Variants in BSPH1 observed in about 807,000 individuals in gnomAD.
BSPH1 encodes the protein binder of sperm 1.
BSPH1 carries 21 observed loss-of-function variants against 22.5 expected under a neutral mutation model. The ratio of observed to expected loss-of-function variants is 0.93; its 90% CI spans 0.66 to 1.35. The LOEUF is 1.35. Ranked by LOEUF, BSPH1 falls within the 40% of genes most tolerant of loss-of-function variation. BSPH1 has a pLI of 0.00. For missense variants in BSPH1, 141 were observed against 154.2 expected (o/e 0.91, Z 0.45); for synonymous variants, 42 against 53.6 (o/e 0.78, Z 0.95).
At chr19:47,972,988 C>T (rs60479043) in intron 5 of BSPH1, among the ~76,000 whole-genome samples, 22 of 151,576 alleles carry the variant, frequency 1.5e-4, no homozygotes, top group African/African-American at 4.6e-4. Context: ...GAGGCCGAGG[C>T]GGGTGGATCA....
chr19:47,973,349 G>A (rs1488768727), intron 5 of BSPH1, among the ~76,000 whole-genome samples: 2 of 151,708 alleles, frequency 1.3e-5, no homozygotes, highest in African/African-American at 4.8e-5. Context: ...TCACTTCTAG[G>A]GAACAGTCTC....
In BSPH1 at chr19:47,982,573, T is replaced by A. The variant is rs1283112525; in HGVS notation, c.74-1632A>T. On this transcript the variant is annotated intron_variant, in intron 1 of 5. Coordinates refer to ENST00000344839, the MANE Select transcript of BSPH1 (RefSeq NM_001128326.2). ...GCATATTAGAATCACCAGCTGAGTTTTTAAAAACCCAGATCCCTTCCACTT... is the reference window on the plus strand; with the variant it reads ...GCATATTAGAATCACCAGCTGAGTTATTAAAAACCCAGATCCCTTCCACTT... Among the ~76,000 whole-genome samples, 3 of 152,340 alleles carry A rather than the reference T, an allele frequency of 2.0e-5. No individual in the cohort carries two copies. The East Asian group carries it at 5.8e-4, about 29-fold the overall frequency.
At chr19:47,974,269 C>CTCTCTCTTTTT (rs57733472) in intron 5 of BSPH1, among the ~76,000 whole-genome samples, 8 of 75,994 alleles carry the variant, frequency 1.1e-4, no homozygotes, top group African/African-American at 4.3e-4. Flanking sequence ...CTCTCTCTCT[C>CTCTCTCTTTTT]TTTTTTTTTT....
intron 1 of BSPH1, 36 bp downstream of exon 1, chr19:47,991,973 T>A (rs1207409343): frequency 7.2e-7 from 1 of 1,379,950 alleles, no homozygotes; most frequent in Admixed American, 2.0e-5. Flanking sequence ...TTAAGCTATC[T>A]ACCTTGCATA....
chr19:47,970,762 A>G (rs1441427421), intron 5 of BSPH1, among the ~76,000 whole-genome samples: 4 of 152,114 alleles, frequency 2.6e-5, no homozygotes, highest in Non-Finnish European at 4.4e-5. Flanking sequence ...GTGATGTGGC[A>G]ATGGGATGTT....
Position 47,969,034 on chromosome 19 carries a change from C to T in BSPH1, c.*3-825G>A, listed in dbSNP as rs541215020. Among the ~76,000 whole-genome samples, 9 of 148,832 alleles carry T rather than the reference C, an allele frequency of 6.0e-5. No homozygotes were observed. In the South Asian group the frequency reaches 1.1e-3, roughly 18 times the overall value. On this transcript the variant is annotated intron_variant, in intron 5 of 5. Transcript: ENST00000344839. The stretch of plus-strand genomic sequence containing the variant: ...AAAAAAAAAAAAAAGAAATCACTGA[C>T]GGCTGCCTGGAGGGTGGATTTTAGG...
chr19:47,990,596 T>TA (rs11415531), intron 1 of BSPH1, among the ~76,000 whole-genome samples: 28,225 of 150,976 alleles, frequency 0.19, 2,773 homozygotes, highest in Non-Finnish European at 0.21. Flanking sequence ...TTCTGTTCTT[T>TA]AAAAAAAAAT....
chr19:47,977,566 C>T, intron 3 of BSPH1, 62 bp from the exon 4 acceptor site: 1 of 1,533,714 alleles, frequency 6.5e-7, no homozygotes, highest in Non-Finnish European at 8.8e-7. Context: ...TATCAAGCGA[C>T]TGTCTTCCTA....
At chr19:47,979,374 C>T (rs1335442915) in intron 3 of BSPH1, among the ~76,000 whole-genome samples, 196 bp downstream of exon 3, 1 of 152,082 alleles carries the variant, frequency 6.6e-6, no homozygotes, top group East Asian at 1.9e-4. Context: ...AAAGAGTAGA[C>T]ACATTTAGTG....
Position 47,978,404 on chromosome 19 carries a change from T to C in BSPH1, c.125-900A>G, listed in dbSNP as rs573365632. ...CAGTCATGAGCCACTGAGTCCGGCC[T>C]TAACTTCTTTCTAATGCTGATTCAT... On this transcript the variant is annotated intron_variant, in intron 3 of 5. Coordinates refer to ENST00000344839, the MANE Select transcript of BSPH1 (RefSeq NM_001128326.2). 9.8e-5 allele frequency among the ~76,000 whole-genome samples: 15 copies of C among 152,296 alleles called. No individual in the cohort carries two copies. The South Asian group carries it at 3.1e-3, about 32-fold the overall frequency.
intron 1 of BSPH1, among the ~76,000 whole-genome samples, chr19:47,988,776 C>T (rs1969495131): frequency 6.6e-6 from 1 of 152,070 alleles, no homozygotes; most frequent in Admixed American, 6.6e-5. Flanking sequence ...GTTCTCCCCG[C>T]AAGGGACCCC....
chr19:47,990,786 CT>C (rs763195878), intron 1 of BSPH1, among the ~76,000 whole-genome samples: 16 of 152,090 alleles, frequency 1.1e-4, no homozygotes, highest in Non-Finnish European at 2.4e-4. Context: ...TTCTATTTCG[CT>C]TCATAATTGT....
At chr19:47,990,339 A>C (rs1445800669) in intron 1 of BSPH1, among the ~76,000 whole-genome samples, 1 of 152,186 alleles carries the variant, frequency 6.6e-6, no homozygotes, top group African/African-American at 2.4e-5. Flanking sequence ...GAATAGCACA[A>C]GTATTATGTG....
chr19:47,990,176 GGA>G (rs1253963484), intron 1 of BSPH1, among the ~76,000 whole-genome samples: 5 of 151,568 alleles, frequency 3.3e-5, no homozygotes, highest in African/African-American at 1.2e-4. Context: ...TGCTTGCAAG[GGA>G]GAGAGAGGGA....
chr19:47,972,280 C>CTT lies in BSPH1; in HGVS notation c.*3-4073_*3-4072dup, dbSNP rs71181620. Among the ~76,000 whole-genome samples, 445 of 136,764 alleles carry CTT rather than the reference C, an allele frequency of 3.3e-3. 6 individuals are homozygous for CTT. Among genetic ancestry groups the CTT allele is most frequent in the South Asian group, 5.5e-3 (24 of 4,382 alleles). The allele number at this position is 136,764 out of a possible 152,430, so 89.7% of individuals were successfully genotyped here. On this transcript the variant is annotated intron_variant, in intron 5 of 5. Transcript: ENST00000344839. Reference sequence around the variant, plus strand: ...GTTGTCCCATGCTAACCTTGATATTCTTTTTTTTTTTTTTTTTTAACTTTT... The same window carrying CTT: ...GTTGTCCCATGCTAACCTTGATATTCTTTTTTTTTTTTTTTTTTTTAACTTTT...
chr19:47,990,804 C>A (rs1969516085), intron 1 of BSPH1, among the ~76,000 whole-genome samples: 1 of 151,996 alleles, frequency 6.6e-6, no homozygotes, highest in South Asian at 2.1e-4. Flanking sequence ...TTGTTACAGG[C>A]AACACGACTT....
chr19:47,980,163 A>G (rs1049556918), intron 2 of BSPH1, among the ~76,000 whole-genome samples: 1 of 151,508 alleles, frequency 6.6e-6, no homozygotes, highest in Non-Finnish European at 1.5e-5. Flanking sequence ...TGACACTTAG[A>G]TTAAGAATGT....
chr19:47,977,333 A>G (rs938121498), intron 4 of BSPH1, 40 bp downstream of exon 4: 18 of 1,487,830 alleles, frequency 1.2e-5, no homozygotes, highest in Non-Finnish European at 1.6e-5. Flanking sequence ...CTCAGAGACC[A>G]AGATTACTGC....
intron 5 of BSPH1, among the ~76,000 whole-genome samples, chr19:47,972,606 A>G (rs1230710865): frequency 6.6e-6 from 1 of 152,030 alleles, no homozygotes; most frequent in African/African-American, 2.4e-5. Context: ...CAAATATCTT[A>G]CTGTATTCTT....
Sources: gnomAD v4.1 joint callset for allele counts (sites outside exome capture counted in the v4.1 genomes callset) on GRCh38, gnomAD v4.1.1 for gene constraint, MANE v1.5 for transcripts, NCBI Gene and HGNC (gene_info 2026-07-23, HGNC 2026-07-21) for gene names.